Variants in PARP11 observed in about 807,000 individuals in gnomAD.
PARP11 encodes the protein poly(ADP-ribose) polymerase family member 11.
Under a neutral mutation model 42.9 loss-of-function variants are expected in PARP11, and 31 were observed. That is an observed-to-expected ratio of 0.72 (90% CI 0.54 to 0.98). The LOEUF is 0.98. PARP11 is among the 50% of genes least tolerant of loss of function. PARP11 has a pLI of 0.00. For missense variants in PARP11, 365 were observed against 413.1 expected (o/e 0.88, Z 1.01); for synonymous variants, 137 against 127.3 (o/e 1.08, Z -0.51).
intron 1 of PARP11, among the ~76,000 whole-genome samples, chr12:3,831,262 A>T (rs1403140054): frequency 6.7e-6 from 1 of 150,160 alleles, no homozygotes; most frequent in South Asian, 2.1e-4. Context: ...TCTCTCTCTC[A>T]CTCTGTTTGT....
chr12:3,849,590 G>A (rs1948059646), intron 1 of PARP11, among the ~76,000 whole-genome samples: 1 of 152,126 alleles, frequency 6.6e-6, no homozygotes, highest in Non-Finnish European at 1.5e-5. Context: ...TCATATGTAG[G>A]AGCTAAATAA....
chr12:3,831,839 T>G (rs943201821), intron 1 of PARP11, among the ~76,000 whole-genome samples: 2 of 152,296 alleles, frequency 1.3e-5, no homozygotes, highest in African/African-American at 4.8e-5. Flanking sequence ...CAGTAAACTA[T>G]TCACAATTCC....
intron 2 of PARP11, among the ~76,000 whole-genome samples, chr12:3,829,374 T>TA (rs1397589757): frequency 2.0e-5 from 3 of 151,958 alleles, no homozygotes; most frequent in East Asian, 3.8e-4. Context: ...TTTAGTAGAG[T>TA]AAAAAAAAGA....
intron 1 of PARP11, among the ~76,000 whole-genome samples, chr12:3,852,190 GA>G (rs1948108713): frequency 6.6e-6 from 1 of 152,218 alleles, no homozygotes; most frequent in Admixed American, 6.5e-5. Context: ...AACCAGAGCA[GA>G]AAAGCTGAAA....
intron 1 of PARP11, among the ~76,000 whole-genome samples, chr12:3,853,853 T>C (rs1408426248): frequency 6.6e-6 from 1 of 152,152 alleles, no homozygotes; most frequent in Non-Finnish European, 1.5e-5. Flanking sequence ...CATCACATTG[T>C]ACTTATTCCA....
chr12:3,822,773 A>G (rs7972101), intron 4 of PARP11, among the ~76,000 whole-genome samples: 9,163 of 152,162 alleles, frequency 0.06, 535 homozygotes, highest in East Asian at 0.17. Flanking sequence ...AATGTAAAGA[A>G]GATTTTAGGC....
At chr12:3,824,655 T>C in intron 4 of PARP11, 1 of 983,946 alleles carries the variant, frequency 1.0e-6, no homozygotes, top group East Asian at 1.1e-4. Flanking sequence ...TTGTGCTGTC[T>C]TTGTTCTATG....
intron 1 of PARP11, among the ~76,000 whole-genome samples, chr12:3,858,998 G>A (rs750873754): frequency 2.0e-5 from 3 of 151,500 alleles, no homozygotes; most frequent in Non-Finnish European, 4.4e-5. Flanking sequence ...TTGGGAGGCT[G>A]AGGCAGGAGG....
Position 3,873,344 on chromosome 12 carries a change from C to T in PARP11, c.-115G>A. On this transcript the variant is annotated 5_prime_UTR_variant, in exon 1 of 8. Coordinates refer to ENST00000228820, the MANE Select transcript of PARP11 (RefSeq NM_020367.6). ...CGGGAGCGAAGGGACGGAGATGCAA[C>T]CTTTACGAAGGCCTTCCTCCTCCCC... is the stretch of plus-strand genomic sequence containing the variant. The T allele has an allele frequency of 2.0e-6, 2 of 993,238 alleles. No homozygotes were observed. The highest frequency in any genetic ancestry group is 3.1e-6 in the Non-Finnish European group (2 of 642,162). 61.5% of individuals were successfully genotyped at this position (993,238 alleles called of 1,614,324 possible).
In PARP11 at chr12:3,834,413, A is replaced by ACCTGAGG. The variant is rs555658176; in HGVS notation, c.19-4402_19-4396dup. On this transcript the variant is annotated intron_variant, in intron 1 of 7. Coordinates refer to ENST00000228820, the MANE Select transcript of PARP11 (RefSeq NM_020367.6). ...TTTGGGAGGCCAAGATGGGCAGATC[A>ACCTGAGG]CCTGAGGCCAGGAGTTTGAGACCAG... 1.7e-3 allele frequency among the ~76,000 whole-genome samples: 265 copies of ACCTGAGG among 152,192 alleles called. 2 individuals are homozygous for ACCTGAGG. Among genetic ancestry groups the ACCTGAGG allele is most frequent in the African/African-American group, 6.1e-3 (255 of 41,520 alleles).
chr12:3,836,257 G>A (rs1947758540), intron 1 of PARP11, among the ~76,000 whole-genome samples: 1 of 151,898 alleles, frequency 6.6e-6, no homozygotes, highest in African/African-American at 2.4e-5. Flanking sequence ...GAGATTAACA[G>A]CTGACTTTTC....
At chr12:3,855,067 C>A (rs1337721056) in intron 1 of PARP11, among the ~76,000 whole-genome samples, 1 of 152,058 alleles carries the variant, frequency 6.6e-6, no homozygotes, top group Admixed American at 6.6e-5. Flanking sequence ...AAAAGGCCTT[C>A]AACAAAATTC....
Position 3,822,201 on chromosome 12 carries a change from C to T in PARP11, c.345-44G>A, listed in dbSNP as rs372314497. On this transcript the variant is annotated intron_variant, in intron 4 of 7. Transcript: ENST00000228820. ...AAAACAAAATATCAGAAGCCGATTA[C>T]AATTACTGTCAAGAACTTAGCCCTT... 6 of 1,427,008 alleles carry T rather than the reference C, an allele frequency of 4.2e-6. No individual in the cohort carries two copies. In the African/African-American group the frequency reaches 5.7e-5, roughly 13 times the overall value. The allele number at this position is 1,427,008 out of a possible 1,614,324, so 88.4% of individuals were successfully genotyped here. A position where few individuals can be genotyped will look rare whatever the true frequency, so the allele number is the denominator to read the frequency against.
intron 1 of PARP11, among the ~76,000 whole-genome samples, chr12:3,854,790 A>G (rs1948163131): frequency 6.6e-6 from 1 of 152,216 alleles, no homozygotes; most frequent in Admixed American, 6.5e-5. Context: ...TGAGGCCAGC[A>G]TCACCCTGAT....
rs193025932 is a variant in PARP11, at chr12:3,842,132, A to G, written c.19-12114T>C. Reference sequence around the variant, plus strand: ...AACTTGAACCTAAAAGGACCATTCAAAGTCTGAAAGAAAAAACAGAAAAAG... The same window carrying G: ...AACTTGAACCTAAAAGGACCATTCAGAGTCTGAAAGAAAAAACAGAAAAAG... On this transcript the variant is annotated intron_variant, in intron 1 of 7. Transcript: ENST00000228820. The G allele has an allele frequency of 1.2e-4, 189 of 1,611,988 alleles. 1 individual carries two copies. The highest frequency in any genetic ancestry group is 5.1e-6 in the Non-Finnish European group (6 of 1,178,248).
At chr12:3,827,544 T>C (rs1365648364) in intron 3 of PARP11, among the ~76,000 whole-genome samples, 2 of 152,008 alleles carry the variant, frequency 1.3e-5, no homozygotes, top group African/African-American at 2.4e-5. Context: ...ACCTTCTGCC[T>C]AGACTGCAAC....
At chr12:3,829,252 A>G (rs1352757067) in intron 2 of PARP11, among the ~76,000 whole-genome samples, 1 of 152,238 alleles carries the variant, frequency 6.6e-6, no homozygotes, top group Non-Finnish European at 1.5e-5. Flanking sequence ...AGTCCCCTTC[A>G]ATAACAGATA....
chr12:3,859,158 AT>A (rs1245684112), intron 1 of PARP11, among the ~76,000 whole-genome samples: 1 of 152,100 alleles, frequency 6.6e-6, no homozygotes, highest in Non-Finnish European at 1.5e-5. Flanking sequence ...TAAAAGGCAT[AT>A]ATGAAACAAA....
At chr12:3,854,606 T>G (rs1359981143) in intron 1 of PARP11, among the ~76,000 whole-genome samples, 1 of 152,184 alleles carries the variant, frequency 6.6e-6, no homozygotes, top group Non-Finnish European at 1.5e-5. Flanking sequence ...AATCCCTGAA[T>G]AGACCAGTAA....
Sources: gnomAD v4.1 joint callset for allele counts (sites outside exome capture counted in the v4.1 genomes callset) on GRCh38, gnomAD v4.1.1 for gene constraint, MANE v1.5 for transcripts, NCBI Gene and HGNC (gene_info 2026-07-23, HGNC 2026-07-21) for gene names.